MYLK: variants seen among roughly 807,000 people sequenced by gnomAD.
MYLK encodes the protein myosin light chain kinase, smooth muscle.
In MYLK, 106 loss-of-function variants were observed where a neutral mutation model predicts 203.4. The observed-to-expected ratio is 0.52, with a 90% CI of 0.45 to 0.61. MYLK has a LOEUF of 0.61. Ranked by LOEUF, MYLK falls within the 20% of genes least tolerant of loss-of-function variation. The probability of loss-of-function intolerance (pLI) is 0.00; values close to 1 mark genes in which losing one functional copy is unlikely to be tolerated. For synonymous variants in MYLK, 867 were observed against 959.5 expected (o/e 0.90, Z 1.78); for missense variants, 2,072 against 2,442.3 (o/e 0.85, Z 3.20).
chr3:123,614,093 T>C lies in MYLK; in HGVS notation c.*12A>G, dbSNP rs2057329474. ...TAATATGACTTAGAAACTGCTTTTC[T>C]CTGGCTTTGTTTCACTCTTCTTCCT... On this transcript the variant is annotated 3_prime_UTR_variant, in exon 34 of 34. Coordinates refer to ENST00000360304, the MANE Select transcript of MYLK (RefSeq NM_053025.4). The C allele has an allele frequency of 1.9e-6, 3 of 1,613,386 alleles. No individual in the cohort carries two copies. The highest frequency in any genetic ancestry group is 2.5e-6 in the Non-Finnish European group (3 of 1,179,844).
At chr3:123,638,017 C>G (rs745962896) in intron 29 of MYLK, 54 bp downstream of exon 29, 14 of 1,612,040 alleles carry the variant, frequency 8.7e-6, no homozygotes, top group Non-Finnish European at 1.2e-5. Context: ...CCTCAGCCCC[C>G]ACCCACTGGT....
intron 5 of MYLK, among the ~76,000 whole-genome samples, chr3:123,751,076 C>T (rs906873047): frequency 2.0e-5 from 3 of 152,144 alleles, no homozygotes; most frequent in Non-Finnish European, 2.9e-5. Context: ...TCTAGTGTCC[C>T]CTGAAAACCA....
rs763825048 is a variant in MYLK, at chr3:123,620,206, C to G, written c.5368+1G>C. On this transcript the variant is annotated splice_donor_variant, in intron 32 of 33. Transcript: ENST00000360304. LOFTEE classifies it high-confidence loss of function. ...AGCTGGCTGGAGAAACTCCTCCTTA[C>G]CTTCAGATTCTAGTTTTTCTGCATT... 1 of 1,613,734 alleles carries G rather than the reference C, an allele frequency of 6.2e-7. No homozygotes were observed. The highest frequency in any genetic ancestry group is 8.5e-7 in the Non-Finnish European group (1 of 1,179,676).
chr3:123,767,067 C>T (rs2063728388), intron 4 of MYLK, among the ~76,000 whole-genome samples: 1 of 152,220 alleles, frequency 6.6e-6, no homozygotes, highest in Non-Finnish European at 1.5e-5. Context: ...GGAAAAGCTG[C>T]CCAGTTACGT....
chr3:123,862,185 T>C (rs1157854220), intron 2 of MYLK, among the ~76,000 whole-genome samples: 1 of 152,222 alleles, frequency 6.6e-6, no homozygotes, highest in African/African-American at 2.4e-5. Context: ...AGCTTCTTAC[T>C]GTAACTTCAT....
chr3:123,693,765 G>T (rs2060787074), intron 18 of MYLK: 1 of 152,348 alleles, frequency 6.6e-6, no homozygotes, highest in African/African-American at 2.4e-5. Flanking sequence ...TTCCCTCAGG[G>T]TGTGGAAAGA....
chr3:123,638,807 G>A (rs1456594527), intron 28 of MYLK: 54 of 985,294 alleles, frequency 5.5e-5, no homozygotes, highest in East Asian at 1.1e-4. Context: ...TAGGGTAGTC[G>A]GGAGAGGCTT....
Position 123,613,750 on chromosome 3 carries a change from T to C in MYLK, c.*355A>G. ...TGAGCTGTGGCCCAGAACTCTTGTT[T>C]TGGCCTTATTTTTCATGAGCGCATT... On this transcript the variant is annotated 3_prime_UTR_variant, in exon 34 of 34. Transcript: ENST00000360304. 1 of 318,798 alleles carries C rather than the reference T, an allele frequency of 3.1e-6. No homozygotes were observed. Among genetic ancestry groups the C allele is most frequent in the East Asian group, 8.6e-5 (1 of 11,566 alleles). The allele number at this position is 318,798 out of a possible 1,614,324, so 19.7% of individuals were successfully genotyped here.
intron 4 of MYLK, among the ~76,000 whole-genome samples, chr3:123,765,260 C>T (rs6773676): frequency 6.6e-6 from 1 of 151,974 alleles, no homozygotes; most frequent in African/African-American, 2.4e-5. Context: ...GGTTGGGTGT[C>T]GTGGCTCACA....
intron 2 of MYLK, among the ~76,000 whole-genome samples, chr3:123,848,882 C>T (rs1424036421): frequency 1.3e-5 from 2 of 152,172 alleles, no homozygotes; most frequent in Non-Finnish European, 2.9e-5. Context: ...TGTTAAACCC[C>T]TAGGTCATTA....
intron 2 of MYLK, among the ~76,000 whole-genome samples, chr3:123,832,460 G>C (rs891516551): frequency 5.9e-5 from 9 of 152,204 alleles, no homozygotes; most frequent in African/African-American, 1.9e-4. Context: ...ATTTGAAAAG[G>C]ATAGTTTGAA....
chr3:123,874,203 A>T (rs2033006754), intron 2 of MYLK, among the ~76,000 whole-genome samples: 1 of 152,178 alleles, frequency 6.6e-6, no homozygotes, highest in Admixed American at 6.5e-5. Context: ...TATTTTGAAA[A>T]GAAAGAACTA....
chr3:123,631,889 A>G (rs1448812886), intron 29 of MYLK, among the ~76,000 whole-genome samples: 2 of 128,322 alleles, frequency 1.6e-5, no homozygotes, highest in African/African-American at 3.4e-5. Context: ...TTTTTTTTTG[A>G]GACAGAGTGT....
intron 3 of MYLK, among the ~76,000 whole-genome samples, chr3:123,830,773 G>A (rs1241398210): frequency 1.3e-5 from 2 of 152,158 alleles, no homozygotes; most frequent in Non-Finnish European, 2.9e-5. Flanking sequence ...GGGGTCAAGG[G>A]TAGCAGCGGG....
intron 31 of MYLK, 177 bp from the exon 32 acceptor site, chr3:123,620,513 C>T: frequency 6.7e-7 from 1 of 1,484,562 alleles, no homozygotes. Context: ...CTGCTCAGCA[C>T]TGTCAGTGTG....
chr3:123,753,224 A>T (rs1000060506), intron 4 of MYLK, among the ~76,000 whole-genome samples: 7 of 152,244 alleles, frequency 4.6e-5, no homozygotes, highest in African/African-American at 1.7e-4. Flanking sequence ...CTCAATAATT[A>T]AAAATATGGA....
chr3:123,698,197 C>T (rs1260494840), intron 18 of MYLK, among the ~76,000 whole-genome samples: 6 of 152,184 alleles, frequency 3.9e-5, no homozygotes, highest in East Asian at 1.9e-4. Flanking sequence ...GACCTCCCAA[C>T]GCCAAACCTG....
chr3:123,663,069 G>A (rs2059616227), intron 23 of MYLK, among the ~76,000 whole-genome samples: 1 of 152,206 alleles, frequency 6.6e-6, no homozygotes, highest in Non-Finnish European at 1.5e-5. Context: ...ATGAGGCATA[G>A]AGTCTACTCT....
chr3:123,624,352 C>T (rs901273059), intron 31 of MYLK: 18 of 150,888 alleles, frequency 1.2e-4, no homozygotes, highest in African/African-American at 4.4e-4. Context: ...AAATCAGCAC[C>T]ACTATGATTC....
Sources: gnomAD v4.1 joint callset for allele counts (sites outside exome capture counted in the v4.1 genomes callset) on GRCh38, gnomAD v4.1.1 for gene constraint, MANE v1.5 for transcripts, NCBI Gene and HGNC (gene_info 2026-07-23, HGNC 2026-07-21) for gene names.